The following DRC8 variants were observed in gnomAD, a reference collection of about 807,000 sequenced individuals.
DRC8 encodes the protein dynein regulatory complex subunit 8.
the DRC8 span, among the ~76,000 whole-genome samples, chr1:244,980,090 G>T: frequency 6.8e-6 from 1 of 148,036 alleles, no homozygotes; most frequent in South Asian, 2.2e-4. Context: ...GTGGTGGCAG[G>T]TGCCTGTAGT....
chr1:245,120,029 C>T, the DRC8 span, among the ~76,000 whole-genome samples: 6 of 151,966 alleles, frequency 3.9e-5, no homozygotes, highest in African/African-American at 1.5e-4. Context: ...AGGCTGTTGG[C>T]CATTTAGTTA....
the DRC8 span, among the ~76,000 whole-genome samples, chr1:245,024,367 G>A: frequency 6.6e-6 from 1 of 152,000 alleles, no homozygotes. Context: ...ATGTCAAAGG[G>A]CTTGACAATT....
At chr1:245,034,099 T>C in the DRC8 span, among the ~76,000 whole-genome samples, 1 of 152,200 alleles carries the variant, frequency 6.6e-6, no homozygotes, top group Non-Finnish European at 1.5e-5. Flanking sequence ...ATCTGGACTA[T>C]TAATGTCTGC....
At chr1:244,983,940 A>T in the DRC8 span, among the ~76,000 whole-genome samples, 1 of 151,716 alleles carries the variant, frequency 6.6e-6, no homozygotes, top group African/African-American at 2.4e-5. Flanking sequence ...CTCATCCTCT[A>T]CCCACTTTGG....
chr1:245,081,562 G>A, the DRC8 span, among the ~76,000 whole-genome samples: 7 of 152,026 alleles, frequency 4.6e-5, no homozygotes, highest in South Asian at 8.3e-4. Context: ...TCCATCTCCC[G>A]GGTTCAAGTG....
the DRC8 span, chr1:244,970,436 C>CAGGGAAGGTAAGGT: frequency 1.3e-6 from 2 of 1,534,494 alleles, no homozygotes; most frequent in African/African-American, 2.8e-5. Flanking sequence ...ACGAGAAGGA[C>CAGGGAAGGTAAGGT]AGGGAAGGTA....
chr1:245,091,560 C>G, the DRC8 span: 2 of 152,226 alleles, frequency 1.3e-5, no homozygotes, highest in Admixed American at 1.3e-4. Context: ...CCAGCCCCAC[C>G]TTCGAGGGTT....
chr1:244,972,613 G>A, the DRC8 span, among the ~76,000 whole-genome samples: 4 of 152,168 alleles, frequency 2.6e-5, no homozygotes, highest in Non-Finnish European at 5.9e-5. Context: ...GAGGTCAAGA[G>A]ATCGAGACCA....
chr1:245,060,705 G>A, the DRC8 span, among the ~76,000 whole-genome samples: 143 of 152,334 alleles, frequency 9.4e-4, no homozygotes, highest in African/African-American at 2.7e-3. Flanking sequence ...AATTTACAGC[G>A]AAATCATCAT....
At chr1:245,018,033 C>G in the DRC8 span, among the ~76,000 whole-genome samples, 2 of 152,090 alleles carry the variant, frequency 1.3e-5, no homozygotes, top group Non-Finnish European at 1.5e-5. Context: ...TCAGGACCAG[C>G]CTGACCAACA....
At chr1:245,006,848 C>T in the DRC8 span, among the ~76,000 whole-genome samples, 7 of 151,946 alleles carry the variant, frequency 4.6e-5, no homozygotes, top group East Asian at 5.8e-4. Flanking sequence ...GTGGGAGGAT[C>T]GCTTGAACCC....
At chr1:245,060,176 A>C in the DRC8 span, among the ~76,000 whole-genome samples, 4 of 152,338 alleles carry the variant, frequency 2.6e-5, no homozygotes, top group Admixed American at 6.5e-5. Context: ...GTGGAATTTT[A>C]TCTCTTTATT....
chr1:245,007,143 T>C, the DRC8 span, among the ~76,000 whole-genome samples: 1 of 152,086 alleles, frequency 6.6e-6, no homozygotes, highest in Admixed American at 6.6e-5. Context: ...TAGTAGTTTT[T>C]AATATGAAGT....
At chr1:245,085,730 T>C in the DRC8 span, among the ~76,000 whole-genome samples, 1 of 152,136 alleles carries the variant, frequency 6.6e-6, no homozygotes, top group African/African-American at 2.4e-5. Context: ...CTGGTCGGTT[T>C]GTTAGATGCA....
chr1:244,972,155 A>C, the DRC8 span, among the ~76,000 whole-genome samples: 2 of 152,322 alleles, frequency 1.3e-5, no homozygotes, highest in African/African-American at 4.8e-5. Context: ...TTCCATTTAA[A>C]GTAAATTCAG....
chr1:245,079,044 A>G, the DRC8 span, among the ~76,000 whole-genome samples: 1 of 152,220 alleles, frequency 6.6e-6, no homozygotes, highest in African/African-American at 2.4e-5. Context: ...CTGTATATCT[A>G]AAACTATTCT....
the DRC8 span, among the ~76,000 whole-genome samples, chr1:245,048,394 C>T: frequency 3.3e-5 from 5 of 152,112 alleles, no homozygotes; most frequent in Admixed American, 3.3e-4. Flanking sequence ...CAAAGTGATA[C>T]AGATAGTATA....
chr1:245,059,040 G>A, the DRC8 span, among the ~76,000 whole-genome samples: 22 of 152,178 alleles, frequency 1.4e-4, no homozygotes, highest in Non-Finnish European at 5.9e-5. Flanking sequence ...AAAACTCTGC[G>A]GTAGACATTA....
At chr1:244,988,121 G>A in the DRC8 span, among the ~76,000 whole-genome samples, 643 of 152,282 alleles carry the variant, frequency 4.2e-3, 2 homozygotes, top group Non-Finnish European at 7.0e-3. Context: ...AACAAATACA[G>A]TGTGAAATTG....
Sources: gnomAD v4.1 joint callset for allele counts (sites outside exome capture counted in the v4.1 genomes callset) on GRCh38, gnomAD v4.1.1 for gene constraint, MANE v1.5 for transcripts, NCBI Gene and HGNC (gene_info 2026-07-23, HGNC 2026-07-21) for gene names.